Variants in LPL observed in about 807,000 individuals in gnomAD.
The protein encoded by LPL is phospholipase A1.
LPL carries 43 observed loss-of-function variants against 52.2 expected under a neutral mutation model. The observed-to-expected ratio is 0.82, with a 90% confidence interval of 0.64 to 1.06. LPL has a LOEUF of 1.06. Ranked by LOEUF, LPL falls within the 50% of genes least tolerant of loss-of-function variation. The probability of loss-of-function intolerance (pLI) is 0.00; values close to 1 mark genes in which losing one functional copy is unlikely to be tolerated. For synonymous variants in LPL, 244 were observed against 215.6 expected, an observed-to-expected ratio of 1.13 and a Z score of -1.15; for missense variants, 639 against 585.3, an observed-to-expected ratio of 1.09 and a Z score of -0.95.
chr8:19,959,171 T>A (rs969620783), intron 6 of LPL, 89 bp from the exon 7 acceptor site: 2 of 1,541,652 alleles, frequency 1.3e-6, no homozygotes, highest in Non-Finnish European at 1.8e-6. Flanking sequence ...GCTAGTGAGA[T>A]ACTTCTGTGG....
At position 19,951,894 on chromosome 8, in the gene LPL, G is replaced by A. The variant is rs780831995; in HGVS notation, c.375G>A (p.Ala125=). 4.2e-5 allele frequency: 67 copies of A among 1,614,004 alleles called. No homozygotes were observed. Among genetic ancestry groups the A allele is most frequent in the Admixed American group, 1.7e-4 (10 of 59,988 alleles). The change falls in exon 3 of 10, where the codon GCG becomes GCA. Residue 125 remains alanine (A), a synonymous_variant. Coordinates refer to ENST00000650287, the MANE Select transcript of LPL (RefSeq NM_000237.3). ...CTCAGGAGCATTACCCAGTGTCCGC[G>A]GGCTACACCAAACTGGTGGGACAGG... ...SRAQEHYPVS[A]GYTKLVGQDV... is the part of the protein sequence containing the mutation.
intron 8 of LPL, among the ~76,000 whole-genome samples, 168 bp downstream of exon 8, chr8:19,961,251 T>G (rs2070036186): frequency 9.4e-6 from 1 of 106,902 alleles, no homozygotes; most frequent in Non-Finnish European, 1.9e-5. Context: ...TTTCTTATTT[T>G]TGGGGGGCAG....
intron 7 of LPL, 40 bp from the exon 8 acceptor site, chr8:19,960,861 G>C: frequency 6.7e-7 from 1 of 1,503,664 alleles, no homozygotes; most frequent in Non-Finnish European, 9.2e-7. Context: ...AGGGAGAGCT[G>C]ATCTCTATAA....
At position 19,939,566 on chromosome 8, in the gene LPL, C is replaced by T; in HGVS notation, c.88+38C>T. 1 of 1,575,556 alleles carries T rather than the reference C, an allele frequency of 6.3e-7. No homozygotes were observed. The highest frequency in any genetic ancestry group is 8.6e-7 in the Non-Finnish European group (1 of 1,160,334). ...CGCAAACTCCCCTCCACCTGCAGAC[C>T]CGGCGGGTGGCCACTGCCACCCGAA... On this transcript the variant is annotated intron_variant, in intron 1 of 9. Coordinates refer to ENST00000650287, the MANE Select transcript of LPL (RefSeq NM_000237.3). The surrounding 1 kb of genome is among the most constrained non-coding windows in gnomAD (Gnocchi z 4.0).
chr8:19,946,668 C>A, intron 1 of LPL: 1 of 175,322 alleles, frequency 5.7e-6, no homozygotes, highest in Non-Finnish European at 1.2e-5. Context: ...AATCTAAAAT[C>A]TACAAGTTAT....
At chr8:19,956,174 C>G in intron 6 of LPL, 91 bp downstream of exon 6, 1 of 1,560,564 alleles carries the variant, frequency 6.4e-7, no homozygotes. Context: ...TCCATTGGAA[C>G]AGAGATGATG....
rs1175076219 is a variant in LPL at position 19,962,231 on chromosome 8, G to A, written c.1427+12G>A. 1 of 1,607,358 alleles carries A rather than the reference G, an allele frequency of 6.2e-7. No individual in the cohort carries two copies. Among genetic ancestry groups the A allele is most frequent in the South Asian group, 1.1e-5 (1 of 90,888 alleles). ...AAGAAGTCAGGCTGGTGAGCATTCT[G>A]GGCTAAAGCTGACTGGGCATCCTGA... On this transcript the variant is annotated intron_variant, in intron 9 of 9. Transcript: ENST00000650287.
intron 1 of LPL, among the ~76,000 whole-genome samples, chr8:19,942,089 T>C (rs963538818): frequency 1.3e-5 from 2 of 152,182 alleles, no homozygotes; most frequent in Non-Finnish European, 2.9e-5. Context: ...GATTGATTAA[T>C]AGCTGTATTG....
In LPL at chr8:19,948,234, A is replaced by T. The variant is rs367924602; in HGVS notation, c.143A>T (p.Asp48Val). 1.1e-4 allele frequency: 181 copies of T among 1,614,164 alleles called. No individual in the cohort carries two copies. Among genetic ancestry groups the T allele is most frequent in the Non-Finnish European group, 8.5e-5 (100 of 1,180,026 alleles). ...ESKFALRTPE[D>V]TAEDTCHLIP... ...AAATTTGCCCTAAGGACCCCTGAAG[A>T]CACAGCTGAGGACACTTGCCACCTC... The change falls in exon 2 of 10, where the codon GAC (aspartate) becomes GTC (valine). Residue 48 changes from aspartate to valine, a missense_variant. Physicochemically the swap from Asp to Val is radical, Grantham distance 152. Coordinates refer to ENST00000650287, the MANE Select transcript of LPL (RefSeq NM_000237.3).
chr8:19,948,099 T>A, intron 1 of LPL, 81 bp from the exon 2 acceptor site: 4 of 1,456,016 alleles, frequency 2.7e-6, no homozygotes, highest in Non-Finnish European at 3.9e-6. Flanking sequence ...GGTGGTTGCC[T>A]GTGAACCTAA....
intron 1 of LPL, among the ~76,000 whole-genome samples, chr8:19,947,671 C>G (rs2069893976): frequency 7.6e-6 from 1 of 131,692 alleles, no homozygotes; most frequent in African/African-American, 2.7e-5. Context: ...CCCCCCGCCC[C>G]ACACACACAC....
intron 6 of LPL, among the ~76,000 whole-genome samples, chr8:19,957,917 C>A (rs1023408610): frequency 1.3e-5 from 2 of 151,374 alleles, no homozygotes; most frequent in Admixed American, 1.3e-4. Context: ...ATTTAATAGA[C>A]AGTAACACAA....
chr8:19,959,061 A>G (rs1241527709), intron 6 of LPL, among the ~76,000 whole-genome samples, 199 bp from the exon 7 acceptor site: 3 of 152,198 alleles, frequency 2.0e-5, no homozygotes, highest in South Asian at 4.1e-4. Context: ...GAAAGGGAGT[A>G]GAATTCAAGG....
chr8:19,962,037 T>A lies in LPL; in HGVS notation c.1323-78T>A. 7.3e-6 allele frequency: 7 copies of A among 953,434 alleles called. No individual in the cohort carries two copies. The South Asian group carries it at 7.8e-5, about 11-fold the overall frequency. The allele number at this position is 953,434 out of a possible 1,614,324, so 59.1% of individuals were successfully genotyped here. On this transcript the variant is annotated intron_variant, in intron 8 of 9. Coordinates refer to ENST00000650287, the MANE Select transcript of LPL (RefSeq NM_000237.3). The stretch of plus-strand genomic sequence containing the variant: ...GCATGATCATGTATTATTTAAACAG[T>A]CCTGACAGAACTGTACCTTTGTGAA...
chr8:19,963,435 C>CAAAAAAAA (rs377320060), intron 9 of LPL, among the ~76,000 whole-genome samples: 1 of 132,750 alleles, frequency 7.5e-6, no homozygotes. Context: ...GACTCCATCT[C>CAAAAAAAA]AAAAAAAAAA....
At chr8:19,945,918 A>T (rs1024743951) in intron 1 of LPL, among the ~76,000 whole-genome samples, 1 of 152,190 alleles carries the variant, frequency 6.6e-6, no homozygotes, top group Non-Finnish European at 1.5e-5. Flanking sequence ...AGGAGGTATG[A>T]GCTATTTAAG....
chr8:19,963,435 C>CAAA (rs377320060), intron 9 of LPL, among the ~76,000 whole-genome samples: 12 of 132,728 alleles, frequency 9.0e-5, no homozygotes, highest in African/African-American at 2.4e-4. Flanking sequence ...GACTCCATCT[C>CAAA]AAAAAAAAAA....
intron 6 of LPL, among the ~76,000 whole-genome samples, chr8:19,958,082 C>T (rs2070003363): frequency 6.6e-6 from 1 of 151,726 alleles, no homozygotes; most frequent in African/African-American, 2.4e-5. Context: ...TGCAGCGGCG[C>T]AATCTTAGCT....
At chr8:19,948,084 TC>T in intron 1 of LPL, 95 bp from the exon 2 acceptor site, 1 of 1,288,176 alleles carries the variant, frequency 7.8e-7, no homozygotes, top group Non-Finnish European at 1.1e-6. Flanking sequence ...AAAAATAGCA[TC>T]AGCGGTGGTT....
Sources: allele counts gnomAD v4.1 joint callset (sites outside exome capture counted in the v4.1 genomes callset), GRCh38; gene constraint gnomAD v4.1.1; non-coding constraint Gnocchi (gnomAD v3.1); transcripts MANE v1.5; gene names NCBI Gene and HGNC (gene_info 2026-07-23, HGNC 2026-07-21).